Variants in TMEM132C observed in about 807,000 individuals in gnomAD.
The protein encoded by TMEM132C is protein phosphatase 1, regulatory subunit 152.
A neutral mutation model predicts 61.4 loss-of-function variants in TMEM132C; 29 were observed. That is an observed-to-expected ratio of 0.47 (90% CI 0.35 to 0.64). The LOEUF is 0.64. Among genes scored for constraint, TMEM132C ranks in the 30% least tolerant of loss-of-function variants. The pLI is 0.00. For synonymous variants in TMEM132C, 656 were observed against 633.1 expected (o/e 1.04, Z -0.54); for missense variants, 1,408 against 1,476.9 (o/e 0.95, Z 0.76).
intron 2 of TMEM132C, among the ~76,000 whole-genome samples, chr12:128,446,133 C>T (rs1029923252): frequency 6.6e-6 from 1 of 152,108 alleles, no homozygotes; most frequent in Admixed American, 6.5e-5. Flanking sequence ...GTAAGGAGGC[C>T]CCATTTTCAA....
chr12:128,413,141 A>G (rs1439432992), intron 1 of TMEM132C, among the ~76,000 whole-genome samples: 1 of 151,994 alleles, frequency 6.6e-6, no homozygotes, highest in East Asian at 1.9e-4. Flanking sequence ...TACTAAAAAT[A>G]CAAAAAAATT....
intron 2 of TMEM132C, among the ~76,000 whole-genome samples, chr12:128,419,399 G>A (rs921000321): frequency 2.6e-4 from 40 of 152,286 alleles, no homozygotes; most frequent in Admixed American, 2.4e-3. Flanking sequence ...GGACTTCTGT[G>A]TGTTGGCTCA....
chr12:128,318,294 C>A (rs1220290443), intron 1 of TMEM132C, among the ~76,000 whole-genome samples: 1 of 152,188 alleles, frequency 6.6e-6, no homozygotes, highest in Non-Finnish European at 1.5e-5. Flanking sequence ...CTCCAAATTT[C>A]TAGTTCTCCA....
rs551427306 is a variant in TMEM132C at position 128,535,932 on chromosome 12, C to A, written c.975-8025C>A. On this transcript the variant is annotated intron_variant, in intron 2 of 8. Transcript: ENST00000435159. ...ATGTGGAGAAATAGGAACGCTTTTACACTGTTGGTGGGAGTGTAAATTAGT... is the reference window on the plus strand; with the variant it reads ...ATGTGGAGAAATAGGAACGCTTTTAAACTGTTGGTGGGAGTGTAAATTAGT... Among the ~76,000 whole-genome samples the A allele has an allele frequency of 3.3e-5, 5 of 151,956 alleles. No homozygotes were observed. In the East Asian group the frequency reaches 9.7e-4, roughly 29 times the overall value.
chr12:128,294,986 A>AATAGATAGATAGATAGATAGATAGATAG (rs1555251003), intron 1 of TMEM132C, among the ~76,000 whole-genome samples: 23 of 150,292 alleles, frequency 1.5e-4, no homozygotes, highest in South Asian at 4.3e-4. Flanking sequence ...ATAAATAAAT[A>AATAGATAGATAGATAGATAGATAGATAG]ATAGATAGAT....
intron 1 of TMEM132C, among the ~76,000 whole-genome samples, chr12:128,269,671 C>A (rs1486600037): frequency 6.6e-6 from 1 of 152,144 alleles, no homozygotes; most frequent in Non-Finnish European, 1.5e-5. Context: ...TGCAACTTAT[C>A]ATCTGCAAAA....
intron 2 of TMEM132C, among the ~76,000 whole-genome samples, chr12:128,502,641 T>G (rs941230305): frequency 2.0e-5 from 3 of 152,140 alleles, no homozygotes; most frequent in Admixed American, 6.5e-5. Flanking sequence ...TGCCTCAGGA[T>G]GGAGAGGAAG....
intron 1 of TMEM132C, among the ~76,000 whole-genome samples, chr12:128,383,401 G>A (rs139809918): frequency 1.4e-4 from 22 of 152,292 alleles, no homozygotes; most frequent in Non-Finnish European, 2.1e-4. Context: ...AACACGCTCC[G>A]GGTGCTAAGG....
At chr12:128,598,662 GCTTT>G in intron 3 of TMEM132C, among the ~76,000 whole-genome samples, 1 of 151,966 alleles carries the variant, frequency 6.6e-6, no homozygotes, top group South Asian at 2.1e-4. Context: ...GTTCCTCCTG[GCTTT>G]CTCTCACTTA....
chr12:128,649,957 G>T (rs1954251586), intron 4 of TMEM132C, among the ~76,000 whole-genome samples: 1 of 152,208 alleles, frequency 6.6e-6, no homozygotes, highest in African/African-American at 2.4e-5. Context: ...AAATGAGGAG[G>T]GAGTTGGGTT....
At chr12:128,460,924 G>A (rs1210013646) in intron 2 of TMEM132C, among the ~76,000 whole-genome samples, 1 of 152,142 alleles carries the variant, frequency 6.6e-6, no homozygotes, top group Non-Finnish European at 1.5e-5. Flanking sequence ...CAGCTACCCA[G>A]GGCTCAGGCC....
chr12:128,562,411 A>T (rs1482447858), intron 3 of TMEM132C, among the ~76,000 whole-genome samples: 1 of 152,178 alleles, frequency 6.6e-6, no homozygotes, highest in Non-Finnish European at 1.5e-5. Context: ...GGGTAACCTA[A>T]TAAGTTTTTT....
chr12:128,424,929 T>C (rs1869126089), intron 2 of TMEM132C, among the ~76,000 whole-genome samples: 1 of 152,228 alleles, frequency 6.6e-6, no homozygotes, highest in South Asian at 2.1e-4. Context: ...TTATGCTTTG[T>C]ACTGTATCAC....
In TMEM132C at chr12:128,693,891, G is replaced by A. The variant is rs376024187; in HGVS notation, c.1512G>A (p.Ala504=). 34 of 1,551,614 alleles carry A rather than the reference G, an allele frequency of 2.2e-5. No homozygotes were observed. Among genetic ancestry groups the A allele is most frequent in the Admixed American group, 5.9e-5 (3 of 50,978 alleles). The part of the protein sequence containing the change: ...NGKEIKGKMD[A]VVNFTYQYLS... ...AAGAGATCAAAGGAAAGATGGATGCGGTGGTGAACTTCACATACCAGTACC... is the reference window on the plus strand; with the variant it reads ...AAGAGATCAAAGGAAAGATGGATGCAGTGGTGAACTTCACATACCAGTACC... The change falls in exon 6 of 9, where the codon GCG becomes GCA. Residue 504 remains alanine (A), a synonymous_variant. Coordinates refer to ENST00000435159, the MANE Select transcript of TMEM132C (RefSeq NM_001136103.3).
chr12:128,655,644 CTCTTA>C, intron 4 of TMEM132C, among the ~76,000 whole-genome samples: 1 of 152,098 alleles, frequency 6.6e-6, no homozygotes, highest in Non-Finnish European at 1.5e-5. Context: ...TTTCTCCTTC[CTCTTA>C]TAACAGCCTT....
intron 2 of TMEM132C, among the ~76,000 whole-genome samples, chr12:128,516,349 G>A (rs1872717276): frequency 6.6e-6 from 1 of 152,170 alleles, no homozygotes; most frequent in Admixed American, 6.5e-5. Flanking sequence ...GTTAGGCTGG[G>A]TCAAGCAGGC....
chr12:128,688,561 CT>C (rs1954695416), intron 5 of TMEM132C, among the ~76,000 whole-genome samples: 1 of 152,078 alleles, frequency 6.6e-6, no homozygotes, highest in Non-Finnish European at 1.5e-5. Context: ...CATGAACGTG[CT>C]AAAAGTTCCA....
chr12:128,654,309 C>A (rs181579710), intron 4 of TMEM132C, among the ~76,000 whole-genome samples: 1 of 152,104 alleles, frequency 6.6e-6, no homozygotes, highest in African/African-American at 2.4e-5. Flanking sequence ...ATACACAAGA[C>A]CCAGAATTGC....
chr12:128,560,199 A>C (rs907513619), intron 3 of TMEM132C, among the ~76,000 whole-genome samples: 1 of 152,240 alleles, frequency 6.6e-6, no homozygotes, highest in African/African-American at 2.4e-5. Context: ...GTAAGCCCTG[A>C]TGGTGCCATT....
Sources: allele counts gnomAD v4.1 joint callset (sites outside exome capture counted in the v4.1 genomes callset), GRCh38; gene constraint gnomAD v4.1.1; transcripts MANE v1.5; gene names NCBI Gene and HGNC (gene_info 2026-07-23, HGNC 2026-07-21).